GAA: variants seen among roughly 807,000 people sequenced by gnomAD.
GAA encodes the protein alpha glucosidase.
Under a neutral mutation model 103.9 loss-of-function variants are expected in GAA, and 88 were observed. The ratio of observed to expected loss-of-function variants is 0.85; its 90% confidence interval spans 0.71 to 1.01. The LOEUF is 1.01. Ranked by LOEUF, GAA falls within the 50% of genes least tolerant of loss-of-function variation. The probability of loss-of-function intolerance (pLI) is 0.00; values close to 1 mark genes in which losing one functional copy is unlikely to be tolerated. For synonymous variants in GAA, 572 were observed against 563.1 expected (o/e 1.02, Z -0.22); for missense variants, 1,350 against 1,305.3 (o/e 1.03, Z -0.53).
chr17:80,118,201 C>T lies in GAA; in HGVS notation c.2490C>T (p.Gly830=). The change falls in exon 18 of 20, where the codon GGC becomes GGT. Residue 830 remains glycine, a synonymous_variant. Transcript: ENST00000302262. ...TGTCCTTCCCTTTCCAGGGCCCTGG[C>T]CTCACAACCACAGAGTCCCGCCAGC... ...AGYIIPLQGP[G]LTTTESRQQP... is the part of the protein sequence containing the mutation. 1 of 1,613,072 alleles carries T rather than the reference C, an allele frequency of 6.2e-7. No individual in the cohort carries two copies. Among genetic ancestry groups the T allele is most frequent in the Non-Finnish European group, 8.5e-7 (1 of 1,179,840 alleles).
rs121907940 is a variant in GAA, at chr17:80,107,837, T to C, written c.896T>C (p.Leu299Pro). 6 of 1,612,198 alleles carry C rather than the reference T, an allele frequency of 3.7e-6. No homozygotes were observed. Among genetic ancestry groups the C allele is most frequent in the Non-Finnish European group, 5.1e-6 (6 of 1,179,748 alleles). Residue 299 changes from leucine to proline, a missense_variant, in exon 5 of 20, where the codon CTG becomes CCG. Coordinates refer to ENST00000302262, the MANE Select transcript of GAA (RefSeq NM_000152.5). ...ANLYGSHPFY[L>P]ALEDGGSAHG... ...CTCTACGGGTCTCACCCTTTCTACC[T>C]GGCGCTGGAGGACGGCGGGTCGGCA...
rs377126280 is a variant in GAA at position 80,112,646 on chromosome 17, G to A, written c.1823G>A (p.Arg608Gln). The change falls in exon 13 of 20, where the codon CGA (arginine) becomes CAA (glutamine). Residue 608 changes from arginine (R) to glutamine (Q), a missense_variant. Arg to Gln is a conservative substitution (Grantham distance 43, BLOSUM62 1). Transcript: ENST00000302262. ...CGCTCGACCTTTGCTGGCCACGGCCGATACGCCGGCCACTGGACGGGGGAC... is the reference window on the plus strand; with the variant it reads ...CGCTCGACCTTTGCTGGCCACGGCCAATACGCCGGCCACTGGACGGGGGAC... ...ISRSTFAGHGRYAGHWTGDVW... is the reference protein window; with the variant it reads ...ISRSTFAGHGQYAGHWTGDVW... 137 of 1,612,596 alleles carry A rather than the reference G, an allele frequency of 8.5e-5. 1 individual carries two copies. The highest frequency in any genetic ancestry group is 3.2e-4 in the Admixed American group (19 of 59,978).
chr17:80,108,207 G>C lies in GAA; in HGVS notation c.956-83G>C, dbSNP rs571369729. 1.9e-6 allele frequency: 3 copies of C among 1,609,010 alleles called. No homozygotes were observed. The Admixed American group carries it at 5.0e-5, about 27-fold the overall frequency. ...CGTGGGGAGAGAGCCTCAACTCTCC[G>C]CCTGTGATTGGCCCATCTGTGGGGT... is the stretch of plus-strand genomic sequence containing the variant. On this transcript the variant is annotated intron_variant, in intron 5 of 19. Coordinates refer to ENST00000302262, the MANE Select transcript of GAA (RefSeq NM_000152.5).
At chr17:80,110,195 C>T in intron 9 of GAA, 140 bp downstream of exon 9, 1 of 674,444 alleles carries the variant, frequency 1.5e-6, no homozygotes, top group Non-Finnish European at 2.6e-6. Context: ...GCCACAGTGG[C>T]CCGTGACGAT....
Position 80,104,470 on chromosome 17 carries a change from C to A in GAA, c.-32-85C>A, listed in dbSNP as rs185738827. 1.2e-5 allele frequency: 12 copies of A among 1,000,056 alleles called. No individual in the cohort carries two copies. The East Asian group carries it at 1.3e-4, about 11-fold the overall frequency. The allele number at this position is 1,000,056 out of a possible 1,614,324, so 61.9% of individuals were successfully genotyped here. On this transcript the variant is annotated intron_variant, in intron 1 of 19. Coordinates refer to ENST00000302262, the MANE Select transcript of GAA (RefSeq NM_000152.5). The surrounding 1 kb of genome is among the most constrained non-coding windows in gnomAD (Gnocchi z 4.0). ...TGCCTGGGTGCTGCAGTGCCAGCCGCGGTTGATGTCTCAGAGCTGCTTTGA... is the reference window on the plus strand; with the variant it reads ...TGCCTGGGTGCTGCAGTGCCAGCCGAGGTTGATGTCTCAGAGCTGCTTTGA...
intron 15 of GAA, among the ~76,000 whole-genome samples, chr17:80,116,429 C>A (rs1302852125): frequency 6.6e-6 from 1 of 152,248 alleles, no homozygotes; most frequent in Non-Finnish European, 1.5e-5. Flanking sequence ...ATGCCCCCTG[C>A]ACGTCCGGGG....
chr17:80,105,795 C>T lies in GAA; in HGVS notation c.593C>T (p.Pro198Leu), dbSNP rs765075888. 17 of 1,611,924 alleles carry T rather than the reference C, an allele frequency of 1.1e-5. No homozygotes were observed. The South Asian group carries it at 1.3e-4, about 12-fold the overall frequency. Residue 198 changes from proline (P) to leucine (L), a missense_variant, in exon 3 of 20, where the codon CCG (proline) becomes CTG (leucine). Transcript: ENST00000302262. ...CGCTACGAGGTGCCCTTGGAGACCC[C>T]GCATGTCCACAGCCGGGCACCGTCC... is the stretch of plus-strand genomic sequence containing the variant. ...NRRYEVPLET[P>L]HVHSRAPSPL...
At chr17:80,112,504 T>A in intron 12 of GAA, 74 bp from the exon 13 acceptor site, 1 of 1,582,568 alleles carries the variant, frequency 6.3e-7, no homozygotes, top group African/African-American at 1.3e-5. Flanking sequence ...TGCTCCCAGC[T>A]CTGCCCTGCT....
rs758390382 is a variant in GAA, at chr17:80,117,098, G to A, written c.2320G>A (p.Asp774Asn). The A allele has an allele frequency of 8.2e-5, 133 of 1,612,692 alleles. No homozygotes were observed. The highest frequency in any genetic ancestry group is 6.0e-4 in the Admixed American group (36 of 59,998). Residue 774 changes from aspartate (D) to asparagine (N), a missense_variant, in exon 16 of 20, where the codon GAC becomes AAC. Asp to Asn is a conservative substitution (Grantham distance 23). Transcript: ENST00000302262. ...CTACTTCCCCTTGGGCACATGGTAC[G>A]ACCTGCAGACGGTGAGTCTGGGGAC... ...TGYFPLGTWY[D>N]LQTVPVEALG... is the part of the protein sequence containing the mutation.
At position 80,105,032 on chromosome 17, in the gene GAA, C is replaced by T. The variant is rs750628023; in HGVS notation, c.446C>T (p.Thr149Met). The T allele has an allele frequency of 3.2e-5, 51 of 1,612,820 alleles. No individual in the cohort carries two copies. The highest frequency in any genetic ancestry group is 1.6e-4 in the Middle Eastern group (1 of 6,084). Reference protein sequence around the residue: ...ENLSSSEMGYTATLTRTTPTF... With the variant: ...ENLSSSEMGYMATLTRTTPTF... Reference sequence around the variant, plus strand: ...CTGAGCTCCTCTGAAATGGGCTACACGGCCACCCTGACCCGTACCACCCCC... The same window carrying T: ...CTGAGCTCCTCTGAAATGGGCTACATGGCCACCCTGACCCGTACCACCCCC... Residue 149 changes from threonine to methionine, a missense_variant, in exon 2 of 20, where the codon ACG becomes ATG. Coordinates refer to ENST00000302262, the MANE Select transcript of GAA (RefSeq NM_000152.5).
rs773652476 is a variant in GAA, at chr17:80,117,761, A to G, written c.2481+12A>G. 1.9e-6 allele frequency: 3 copies of G among 1,602,982 alleles called. No individual in the cohort carries two copies. The highest frequency in any genetic ancestry group is 2.2e-5 in the East Asian group (1 of 44,674). Reference sequence around the variant, plus strand: ...TCATCCCCCTGCAGGTACCTGGGCCAGGCGGCTATGGTGGGGGTGTGGACA... The same window carrying G: ...TCATCCCCCTGCAGGTACCTGGGCCGGGCGGCTATGGTGGGGGTGTGGACA... On this transcript the variant is annotated intron_variant, in intron 17 of 19. Transcript: ENST00000302262.
chr17:80,117,735 A>G lies in GAA; in HGVS notation c.2467A>G (p.Ile823Val), dbSNP rs758038288. The G allele has an allele frequency of 3.7e-6, 6 of 1,610,278 alleles. No homozygotes were observed. Among genetic ancestry groups the G allele is most frequent in the Non-Finnish European group, 4.2e-6 (5 of 1,179,156 alleles). ...CAACGTCCACCTCCGGGCTGGGTAC[A>G]TCATCCCCCTGCAGGTACCTGGGCC... Reference protein sequence around the residue: ...TINVHLRAGYIIPLQGPGLTT... With the variant: ...TINVHLRAGYVIPLQGPGLTT... Residue 823 changes from isoleucine to valine, a missense_variant, in exon 17 of 20, where the codon ATC becomes GTC. Transcript: ENST00000302262.
intron 11 of GAA, chr17:80,111,650 A>G (rs2039239638): frequency 2.5e-6 from 1 of 395,892 alleles, no homozygotes; most frequent in African/African-American, 2.0e-5. Context: ...CCCAGCAAAG[A>G]ATCAGTGAGA....
chr17:80,117,257 C>T (rs530607386), intron 16 of GAA, 148 bp downstream of exon 16: 6 of 843,150 alleles, frequency 7.1e-6, no homozygotes, highest in Non-Finnish European at 1.1e-5. Flanking sequence ...CACCCGGCTG[C>T]TCCGCACCCA....
chr17:80,105,424 C>T (rs184589891), intron 2 of GAA, among the ~76,000 whole-genome samples: 1 of 152,184 alleles, frequency 6.6e-6, no homozygotes, highest in East Asian at 1.9e-4. Flanking sequence ...CCAGTAAACC[C>T]GAATTGCAGA....
Position 80,114,095 on chromosome 17 carries a change from A to G in GAA, c.2189+729A>G, listed in dbSNP as rs74737410. Reference sequence around the variant, plus strand: ...GGGAAAGGTTTCATTTAGAGAAAAAAAAAAAAAAAAGGTGAACTTTATTTG... The same window carrying G: ...GGGAAAGGTTTCATTTAGAGAAAAAGAAAAAAAAAAGGTGAACTTTATTTG... On this transcript the variant is annotated intron_variant, in intron 15 of 19. Transcript: ENST00000302262. 0.056 allele frequency among the ~76,000 whole-genome samples: 8,432 copies of G among 151,396 alleles called. 487 individuals carry two copies. The highest frequency in any genetic ancestry group is 0.15 in the South Asian group (717 of 4,792).
chr17:80,113,986 C>A (rs930441440), intron 15 of GAA, among the ~76,000 whole-genome samples: 10 of 151,212 alleles, frequency 6.6e-5, no homozygotes, highest in Non-Finnish European at 1.3e-4. Flanking sequence ...CCACTGTACT[C>A]CAGCCTGTGT....
rs545937692 is a variant in GAA at position 80,110,674 on chromosome 17, A to C, written c.1438-53A>C. On this transcript the variant is annotated intron_variant, in intron 9 of 19. Coordinates refer to ENST00000302262, the MANE Select transcript of GAA (RefSeq NM_000152.5). ...CAGGCTGAGGCTCAGTGGGGCTTCC[A>C]TGCAGGCCCTGGGTGGGGCCGGGTC... The C allele has an allele frequency of 2.8e-5, 43 of 1,510,288 alleles. No individual in the cohort carries two copies. The African/African-American group carries it at 5.2e-4, about 18-fold the overall frequency. 93.6% of individuals were successfully genotyped at this position (1,510,288 alleles called of 1,614,324 possible). A position where few individuals can be genotyped will look rare whatever the true frequency, so the allele number is the denominator to read the frequency against.
Position 80,108,183 on chromosome 17 carries a change from G to A in GAA, c.956-107G>A, listed in dbSNP as rs2241888. The A allele has an allele frequency of 0.74, 1,175,773 of 1,589,250 alleles. 437,110 individuals carry two copies. The highest frequency in any genetic ancestry group is 0.82 in the Middle Eastern group (4,957 of 6,044). Reference sequence around the variant, plus strand: ...TTCCCCAGGCCACTCTGAGCTCCTCGTGGGGAGAGAGCCTCAACTCTCCGC... The same window carrying A: ...TTCCCCAGGCCACTCTGAGCTCCTCATGGGGAGAGAGCCTCAACTCTCCGC... On this transcript the variant is annotated intron_variant, in intron 5 of 19. Transcript: ENST00000302262.
Sources: gnomAD v4.1 joint callset for allele counts (sites outside exome capture counted in the v4.1 genomes callset) on GRCh38, gnomAD v4.1.1 for gene constraint, Gnocchi (gnomAD v3.1) non-coding constraint, MANE v1.5 for transcripts, NCBI Gene and HGNC (gene_info 2026-07-23, HGNC 2026-07-21) for gene names.